SEMA6D: variants seen among roughly 807,000 people sequenced by gnomAD.
SEMA6D encodes semaphorin 6D, also known as semaphorin-6D.
A neutral mutation model predicts 106.6 loss-of-function variants in SEMA6D; 35 were observed. The ratio of observed to expected loss-of-function variants is 0.33; its 90% CI spans 0.25 to 0.44. SEMA6D has a LOEUF of 0.44. Ranked by LOEUF, SEMA6D falls within the 20% of genes least tolerant of loss-of-function variation. The pLI, the probability that SEMA6D is intolerant of heterozygous loss-of-function variation, is 1.00. For synonymous variants in SEMA6D, 499 were observed against 487.7 expected, an observed-to-expected ratio of 1.02 and a Z score of -0.31; for missense variants, 1,185 against 1,345.9, an observed-to-expected ratio of 0.88 and a Z score of 1.87.
chr15:47,757,251 C>A (rs2081804856), intron 1 of SEMA6D, among the ~76,000 whole-genome samples: 1 of 152,100 alleles, frequency 6.6e-6, no homozygotes, highest in Admixed American at 6.5e-5. Context: ...ACAGAACGAT[C>A]TTTTTGTTTT....
In SEMA6D at chr15:47,773,121, GT is replaced by G. The variant is rs1269878407; in HGVS notation, c.*1340del. On this transcript the variant is annotated 3_prime_UTR_variant, in exon 19 of 19. Transcript: ENST00000536845. Reference sequence around the variant, plus strand: ...ATAGAAGTACTAAAATCTGTCAAGTGTTTTCAGTATAGCACATTATTTACTG... The same window carrying G: ...ATAGAAGTACTAAAATCTGTCAAGTGTTTCAGTATAGCACATTATTTACTG... 1 of 152,512 alleles carries G rather than the reference GT, an allele frequency of 6.6e-6. No homozygotes were observed. The highest frequency in any genetic ancestry group is 2.4e-5 in the African/African-American group (1 of 41,416). The allele number at this position is 152,512 out of a possible 1,614,324, so 9.4% of individuals were successfully genotyped here.
intron 1 of SEMA6D, among the ~76,000 whole-genome samples, chr15:47,357,496 C>T (rs2038632621): frequency 6.6e-6 from 1 of 152,122 alleles, no homozygotes. Flanking sequence ...AGGTTGTCTG[C>T]AGGCTGAGGA....
At chr15:47,424,355 AAAAG>A (rs1026899383) in intron 2 of SEMA6D, among the ~76,000 whole-genome samples, 1 of 152,112 alleles carries the variant, frequency 6.6e-6, no homozygotes, top group Non-Finnish European at 1.5e-5. Context: ...TAAGAAAAAA[AAAAG>A]AAAATTAGTT....
chr15:47,555,400 A>G (rs948105399), intron 3 of SEMA6D, among the ~76,000 whole-genome samples: 2 of 152,320 alleles, frequency 1.3e-5, no homozygotes, highest in Middle Eastern at 3.4e-3. Flanking sequence ...TCAGTCTAAT[A>G]TATTAATGGC....
intron 1 of SEMA6D, among the ~76,000 whole-genome samples, chr15:47,186,460 T>C (rs1893577199): frequency 6.6e-6 from 1 of 152,156 alleles, no homozygotes; most frequent in South Asian, 2.1e-4. Flanking sequence ...AGTGTATTTA[T>C]TGTGTTCTCT....
chr15:47,371,483 AATGAT>A lies in SEMA6D; in HGVS notation c.-238-40907_-238-40903del, dbSNP rs560869200. Among the ~76,000 whole-genome samples, 750 of 152,302 alleles carry A rather than the reference AATGAT, an allele frequency of 4.9e-3. 27 individuals carry two copies. The highest frequency in any genetic ancestry group is 1.3e-3 in the Non-Finnish European group (86 of 68,018). On this transcript the variant is annotated intron_variant, in intron 1 of 19. Transcript: ENST00000558014. Reference sequence around the variant, plus strand: ...TTAAGATTCCACTCCAAATTAATGAAATGATATACCTTCTTAAGAAAACTCTTTTA... The same window carrying A: ...TTAAGATTCCACTCCAAATTAATGAAATACCTTCTTAAGAAAACTCTTTTA...
intron 3 of SEMA6D, among the ~76,000 whole-genome samples, chr15:47,544,338 CTT>C (rs781244496): frequency 1.3e-5 from 2 of 152,058 alleles, no homozygotes; most frequent in Non-Finnish European, 2.9e-5. Flanking sequence ...CACTAATACT[CTT>C]GTTAGAATGT....
intron 1 of SEMA6D, among the ~76,000 whole-genome samples, chr15:47,227,630 T>C (rs1041479456): frequency 2.0e-5 from 3 of 148,288 alleles, no homozygotes; most frequent in Middle Eastern, 3.2e-3. Context: ...CTTCTAAAAA[T>C]ATGAGGCCAG....
chr15:47,361,295 T>G (rs2038793930), intron 1 of SEMA6D, among the ~76,000 whole-genome samples: 1 of 152,182 alleles, frequency 6.6e-6, no homozygotes, highest in Non-Finnish European at 1.5e-5. Context: ...AAAATGGACA[T>G]ATCCCCTTGA....
At chr15:47,232,657 T>C (rs575287689) in intron 1 of SEMA6D, among the ~76,000 whole-genome samples, 1 of 152,110 alleles carries the variant, frequency 6.6e-6, no homozygotes, top group South Asian at 2.1e-4. Context: ...TTTTAAAATT[T>C]ATTTTTTTCA....
chr15:47,374,641 G>C (rs2039388297), intron 1 of SEMA6D, among the ~76,000 whole-genome samples: 1 of 152,188 alleles, frequency 6.6e-6, no homozygotes, highest in African/African-American at 2.4e-5. Flanking sequence ...ACTGCATTAA[G>C]ATAAGGGTTT....
intron 4 of SEMA6D, among the ~76,000 whole-genome samples, chr15:47,649,588 A>G (rs1214105102): frequency 6.6e-6 from 1 of 152,338 alleles, no homozygotes; most frequent in Non-Finnish European, 1.5e-5. Context: ...GCTGAAGTGC[A>G]CTATGATCAC....
rs1320575462 is a variant in SEMA6D at position 47,422,171 on chromosome 15, C to CCTGCCTGCCT, written c.-159+9699_-159+9700insCTGCCTGCCT. Among the ~76,000 whole-genome samples, 49 of 124,210 alleles carry CCTGCCTGCCT rather than the reference C, an allele frequency of 3.9e-4. 1 individual carries two copies. Among genetic ancestry groups the CCTGCCTGCCT allele is most frequent in the South Asian group, 9.6e-4 (3 of 3,134 alleles). 81.5% of individuals were successfully genotyped at this position (124,210 alleles called of 152,430 possible). On this transcript the variant is annotated intron_variant, in intron 2 of 19. Coordinates refer to the SEMA6D transcript ENST00000558014. Reference sequence around the variant, plus strand: ...TTAACACTCTTATTTTTTGCCCGCCCGCCTGCCTGCCTTCCTTCCTTCCTT... The same window carrying CCTGCCTGCCT: ...TTAACACTCTTATTTTTTGCCCGCCCCTGCCTGCCTGCCTGCCTGCCTTCCTTCCTTCCTT...
chr15:47,630,793 T>A (rs1444785984), intron 4 of SEMA6D, among the ~76,000 whole-genome samples: 1 of 151,876 alleles, frequency 6.6e-6, no homozygotes. Flanking sequence ...TGCTAAGATT[T>A]TAAAAATCAT....
At chr15:47,399,926 A>C (rs1022117736) in intron 1 of SEMA6D, among the ~76,000 whole-genome samples, 6 of 152,212 alleles carry the variant, frequency 3.9e-5, no homozygotes, top group African/African-American at 7.2e-5. Context: ...AAACACAGGA[A>C]CACACTGCAA....
intron 1 of SEMA6D, among the ~76,000 whole-genome samples, chr15:47,741,409 T>C (rs1655798734): frequency 6.6e-6 from 1 of 152,278 alleles, no homozygotes; most frequent in African/African-American, 2.4e-5. Flanking sequence ...TAATTCCAGG[T>C]GTGTCCCATG....
At chr15:47,218,270 C>T (rs1182362444) in intron 1 of SEMA6D, among the ~76,000 whole-genome samples, 1 of 152,098 alleles carries the variant, frequency 6.6e-6, no homozygotes, top group African/African-American at 2.4e-5. Flanking sequence ...TGCACTCATC[C>T]AGTTCTGTTT....
intron 1 of SEMA6D, among the ~76,000 whole-genome samples, chr15:47,242,949 G>A (rs2141801277): frequency 6.6e-6 from 1 of 152,200 alleles, no homozygotes; most frequent in East Asian, 1.9e-4. Flanking sequence ...TATTACTAAA[G>A]CTGTTGATCA....
chr15:47,293,023 C>A (rs541025147), intron 1 of SEMA6D, among the ~76,000 whole-genome samples: 2 of 152,230 alleles, frequency 1.3e-5, no homozygotes, highest in South Asian at 4.1e-4. Flanking sequence ...GCATCTTTTT[C>A]TGAGATTACT....
Sources: allele counts gnomAD v4.1 joint callset (sites outside exome capture counted in the v4.1 genomes callset), GRCh38; gene constraint gnomAD v4.1.1; transcripts MANE v1.5; gene names NCBI Gene and HGNC (gene_info 2026-07-23, HGNC 2026-07-21).